TMEM232: variants seen among roughly 807,000 people sequenced by gnomAD.
The protein encoded by TMEM232 is transmembrane protein 232.
TMEM232 carries 80 observed loss-of-function variants against 78.8 expected under a neutral mutation model. The ratio of observed to expected loss-of-function variants is 1.01; its 90% confidence interval spans 0.85 to 1.22. The LOEUF is 1.22. Ranked by LOEUF, TMEM232 falls within the 50% of genes most tolerant of loss-of-function variation. The pLI, the probability that TMEM232 is intolerant of heterozygous loss-of-function variation, is 0.00. For synonymous variants in TMEM232, 297 were observed against 254.3 expected, an observed-to-expected ratio of 1.17 and a Z score of -1.60; for missense variants, 881 against 742.2, an observed-to-expected ratio of 1.19 and a Z score of -2.17.
chr5:110,637,804 T>C (rs1215488175), intron 5 of TMEM232, among the ~76,000 whole-genome samples: 1 of 152,018 alleles, frequency 6.6e-6, no homozygotes, highest in East Asian at 1.9e-4. Context: ...CATAGAATAT[T>C]AGAAGAACAA....
At chr5:110,430,067 T>A (rs1034077218) in intron 12 of TMEM232, 11 of 151,494 alleles carry the variant, frequency 7.3e-5, no homozygotes, top group Admixed American at 2.6e-4. Context: ...CAATCTGGAA[T>A]ATGTGGTGGT....
upstream of TMEM232, chr5:110,738,132 C>G: frequency 1.0e-6 from 1 of 995,604 alleles, no homozygotes; most frequent in Non-Finnish European, 1.3e-6. Flanking sequence ...CTTGGAAAAG[C>G]TCTAGGAATC....
chr5:110,646,162 C>T (rs72773128), intron 2 of TMEM232, among the ~76,000 whole-genome samples: 11,255 of 151,628 alleles, frequency 0.074, 484 homozygotes, highest in Admixed American at 0.12. Flanking sequence ...GTCCATATTA[C>T]CCAAAGAGAT....
chr5:110,540,438 A>C (rs994469788), intron 11 of TMEM232, among the ~76,000 whole-genome samples: 1 of 152,188 alleles, frequency 6.6e-6, no homozygotes, highest in Admixed American at 6.5e-5. Context: ...ACACTCTTAG[A>C]AAACCCAGAT....
intron 12 of TMEM232, among the ~76,000 whole-genome samples, chr5:110,494,616 C>T (rs749825526): frequency 1.1e-4 from 17 of 152,056 alleles, no homozygotes; most frequent in Non-Finnish European, 2.2e-4. Context: ...TCTAGAAAAA[C>T]AGTGCCATAT....
At chr5:110,592,070 C>T (rs1310027945) in intron 10 of TMEM232, among the ~76,000 whole-genome samples, 1 of 152,062 alleles carries the variant, frequency 6.6e-6, no homozygotes, top group Non-Finnish European at 1.5e-5. Flanking sequence ...TACAAAGGAT[C>T]ATGTTACAAT....
upstream of TMEM232, chr5:110,738,299 C>T: frequency 3.2e-6 from 4 of 1,246,958 alleles, no homozygotes; most frequent in Non-Finnish European, 4.1e-6. Context: ...TTAGAGGTCC[C>T]AATTTTGAAC....
intron 11 of TMEM232, among the ~76,000 whole-genome samples, chr5:110,551,248 G>A (rs1957108192): frequency 6.6e-6 from 1 of 152,274 alleles, no homozygotes; most frequent in African/African-American, 2.4e-5. Flanking sequence ...TTTTGAGACA[G>A]TGTCTCACTC....
chr5:110,502,987 T>TTATC (rs1171257185), intron 12 of TMEM232, among the ~76,000 whole-genome samples: 1 of 152,210 alleles, frequency 6.6e-6, no homozygotes, highest in Non-Finnish European at 1.5e-5. Flanking sequence ...GCTTATTGAT[T>TTATC]TATCTGTTAC....
chr5:110,481,865 C>T (rs548806504), intron 12 of TMEM232, among the ~76,000 whole-genome samples: 1 of 152,016 alleles, frequency 6.6e-6, no homozygotes, highest in Middle Eastern at 3.2e-3. Flanking sequence ...AAGGCTGTTC[C>T]CTGGGATTCT....
chr5:110,734,124 A>G (rs1193310512), intron 2 of TMEM232, among the ~76,000 whole-genome samples: 2 of 152,236 alleles, frequency 1.3e-5, no homozygotes, highest in African/African-American at 4.8e-5. Context: ...TTAGTCACCT[A>G]TCACCAAAAT....
intron 5 of TMEM232, chr5:110,629,059 T>G (rs759125884): frequency 1.8e-4 from 27 of 152,132 alleles, no homozygotes; most frequent in Admixed American, 4.6e-4. Context: ...ACAACTTTGT[T>G]GTAGTACTGT....
intron 2 of TMEM232, among the ~76,000 whole-genome samples, chr5:110,643,906 C>A (rs991546040): frequency 6.6e-6 from 1 of 151,878 alleles, no homozygotes; most frequent in Non-Finnish European, 1.5e-5. Context: ...AAATAATCAA[C>A]CCTTTAACTG....
upstream of TMEM232, among the ~76,000 whole-genome samples, chr5:110,738,503 T>A (rs984757523): frequency 5.3e-5 from 8 of 152,116 alleles, no homozygotes; most frequent in Non-Finnish European, 1.2e-4. Context: ...GCTCTGGTGG[T>A]CCACAGTACT....
rs1202257584 is a variant in TMEM232, at chr5:110,685,683, C to T, written c.-12-18319G>A. Reference sequence around the variant, plus strand: ...CAATGAAAACACTGTCATAAAAAGACTTGTACAAGAATGCCTATAGTACTG... The same window carrying T: ...CAATGAAAACACTGTCATAAAAAGATTTGTACAAGAATGCCTATAGTACTG... On this transcript the variant is annotated intron_variant, in intron 1 of 13. Transcript: ENST00000455884. Among the ~76,000 whole-genome samples, 3 of 152,206 alleles carry T rather than the reference C, an allele frequency of 2.0e-5. No individual in the cohort carries two copies. In the East Asian group the frequency reaches 5.8e-4, roughly 29 times the overall value.
chr5:110,410,985 C>A (rs755739792), intron 2 of TMEM232, among the ~76,000 whole-genome samples: 2 of 152,170 alleles, frequency 1.3e-5, no homozygotes, highest in Non-Finnish European at 2.9e-5. Context: ...ACCCTCTCAG[C>A]CTGTGAGACC....
chr5:110,505,009 T>C (rs1466668254), intron 12 of TMEM232, among the ~76,000 whole-genome samples: 1 of 152,248 alleles, frequency 6.6e-6, no homozygotes, highest in Non-Finnish European at 1.5e-5. Flanking sequence ...TATTCATGTA[T>C]ACCTTCTTTC....
chr5:110,456,970 C>T (rs1440794303), intron 12 of TMEM232, among the ~76,000 whole-genome samples: 1 of 152,012 alleles, frequency 6.6e-6, no homozygotes, highest in Non-Finnish European at 1.5e-5. Flanking sequence ...GGCAAGATTT[C>T]TTAGTTACTA....
chr5:110,401,964 C>T (rs937848103), intron 2 of TMEM232, among the ~76,000 whole-genome samples: 5 of 151,970 alleles, frequency 3.3e-5, no homozygotes, highest in African/African-American at 7.2e-5. Flanking sequence ...AGAACAATGG[C>T]GAGTTTCAGT....
Sources: allele counts gnomAD v4.1 joint callset (sites outside exome capture counted in the v4.1 genomes callset), GRCh38; gene constraint gnomAD v4.1.1; transcripts MANE v1.5; gene names NCBI Gene and HGNC (gene_info 2026-07-23, HGNC 2026-07-21).